The following IQGAP3 variants were observed in gnomAD, a reference collection of about 807,000 sequenced individuals.
IQGAP3 encodes ras GTPase-activating-like protein IQGAP3.
A neutral mutation model predicts 208.2 loss-of-function variants in IQGAP3; 165 were observed. The observed-to-expected ratio is 0.79, with a 90% confidence interval of 0.70 to 0.90. IQGAP3 has a LOEUF of 0.90. Ranked by LOEUF, IQGAP3 falls within the 40% of genes least tolerant of loss-of-function variation. The pLI is 0.00. For missense variants in IQGAP3, 1,811 were observed against 2,043.1 expected (o/e 0.89, Z 2.19); for synonymous variants, 703 against 803.6 (o/e 0.87, Z 2.12).
In IQGAP3 at chr1:156,569,380, T is replaced by C. The variant is rs1411261123; in HGVS notation, c.121A>G (p.Lys41Glu). 1.9e-6 allele frequency: 3 copies of C among 1,611,396 alleles called. No homozygotes were observed. The highest frequency in any genetic ancestry group is 3.3e-5 in the Admixed American group (2 of 59,950). Residue 41 changes from lysine (K) to glutamate (E), a missense_variant, in exon 2 of 38, where the codon AAG becomes GAG. By Grantham distance (56) the Lys-to-Glu change is moderately conservative. Coordinates refer to ENST00000361170, the MANE Select transcript of IQGAP3 (RefSeq NM_178229.5). ...ATCTTCCTGGACTCCGCTCACCGCT[T>C]GGCCTCCTCCAGCCGGCACAGGTAC... ...YQYLCRLEEA[K>E]RWMEACLKEE...
chr1:156,537,392 C>T (rs751533081), intron 26 of IQGAP3, 71 bp from the exon 27 acceptor site: 18 of 1,428,560 alleles, frequency 1.3e-5, no homozygotes, highest in Non-Finnish European at 1.7e-5. Context: ...GGCCCTATTC[C>T]TTAAACGCTT....
In IQGAP3 at chr1:156,563,650, G is replaced by A. The variant is rs145939179; in HGVS notation, c.522C>T (p.Asn174=). The change falls in exon 7 of 38, where the codon AAC becomes AAT. Residue 174 remains asparagine (N), a synonymous_variant. Transcript: ENST00000361170. ...KVKFTAEELS[N]MASELAKYGL... The stretch of plus-strand genomic sequence containing the variant: ...CATATTTGGCCAGTTCGGACGCCAT[G>A]TTGCTGAGTTCCTCAGCTGCAATGA... 32 of 1,613,044 alleles carry A rather than the reference G, an allele frequency of 2.0e-5. No individual in the cohort carries two copies. In the African/African-American group the frequency reaches 4.3e-4, roughly 22 times the overall value.
chr1:156,542,700 G>A (rs1171573), intron 22 of IQGAP3, among the ~76,000 whole-genome samples: 40,317 of 152,128 alleles, frequency 0.27, 6,053 homozygotes, highest in East Asian at 0.54. Flanking sequence ...AGAACTTTGG[G>A]CAGCCAAGGT....
rs762443815 is a variant in IQGAP3 at position 156,572,524 on chromosome 1, C to T, written c.6G>A (p.Glu2=). The change falls in exon 1 of 38, where the codon GAG becomes GAA. Residue 2 remains glutamate, a synonymous_variant. Transcript: ENST00000361170. The part of the protein sequence containing the change: M[E]RRAAGPGWAA... ...CCCAGCCTGGGCCCGCTGCTCTCCT[C>T]TCCATGTTCCTCCTTCTTCCAGGTT... 15 of 1,612,654 alleles carry T rather than the reference C, an allele frequency of 9.3e-6. No individual in the cohort carries two copies. The highest frequency in any genetic ancestry group is 4.0e-5 in the African/African-American group (3 of 74,952).
At chr1:156,546,973 A>G (rs1053893493) in intron 19 of IQGAP3, among the ~76,000 whole-genome samples, 1 of 152,212 alleles carries the variant, frequency 6.6e-6, no homozygotes, top group Non-Finnish European at 1.5e-5. Context: ...CCTTGCACCC[A>G]TCTCCCACCC....
Position 156,539,388 on chromosome 1 carries a change from G to C in IQGAP3, c.3042C>G (p.Leu1014=), listed in dbSNP as rs370599288. The part of the protein sequence containing the change: ...YLLLQLFKTA[L]QEEIKSKVEQ... ...GGAGAGCCTACTTGATTTCCTCCTG[G>C]AGTGCTGTCTTGAACAGCTGGAGCA... The change falls in exon 25 of 38, where the codon CTC becomes CTG. Residue 1014 remains leucine, a synonymous_variant. Transcript: ENST00000361170. The C allele has an allele frequency of 1.9e-6, 3 of 1,613,776 alleles. No homozygotes were observed. The highest frequency in any genetic ancestry group is 2.5e-6 in the Non-Finnish European group (3 of 1,179,974).
chr1:156,567,571 A>C, intron 2 of IQGAP3, among the ~76,000 whole-genome samples: 1 of 152,188 alleles, frequency 6.6e-6, no homozygotes, highest in Non-Finnish European at 1.5e-5. Context: ...ATTAAAGTCT[A>C]CTCAGATGGA....
intron 35 of IQGAP3, 88 bp from the exon 36 acceptor site, chr1:156,528,698 A>AC: frequency 1.7e-6 from 2 of 1,187,404 alleles, no homozygotes; most frequent in South Asian, 2.8e-5. Flanking sequence ...AGGAAATGAG[A>AC]CCCCGAGGAA....
chr1:156,557,588 A>G (rs1675899906), intron 11 of IQGAP3, among the ~76,000 whole-genome samples: 1 of 76,804 alleles, frequency 1.3e-5, no homozygotes, highest in Non-Finnish European at 2.8e-5. Flanking sequence ...CCGCCCGGCC[A>G]GCCGCCCCAT....
chr1:156,533,045 C>A lies in IQGAP3; in HGVS notation c.4038G>T (p.Leu1346=). ...DLSKLEVSLT[L]TNKFEGLEAD... is the part of the protein sequence containing the mutation. Reference sequence around the variant, plus strand: ...CCTCTAGTCCTTCAAACTTGTTGGTCAGCGTCAGGGACACTTCTAGCTTGC... The same window carrying A: ...CCTCTAGTCCTTCAAACTTGTTGGTAAGCGTCAGGGACACTTCTAGCTTGC... Residue 1346 remains leucine, a synonymous_variant, in exon 32 of 38, where the codon CTG becomes CTT. Transcript: ENST00000361170. The A allele has an allele frequency of 6.2e-7, 1 of 1,614,092 alleles. No individual in the cohort carries two copies. The highest frequency in any genetic ancestry group is 1.1e-5 in the South Asian group (1 of 91,056).
chr1:156,562,732 G>T, intron 8 of IQGAP3, 67 bp from the exon 9 acceptor site: 1 of 1,317,144 alleles, frequency 7.6e-7, no homozygotes, highest in Non-Finnish European at 1.1e-6. Flanking sequence ...GCTCTTCCCT[G>T]CCTGGCTACA....
At position 156,539,843 on chromosome 1, in the gene IQGAP3, G is replaced by A. The variant is rs1352240832; in HGVS notation, c.2887C>T (p.Leu963Phe). 6.2e-6 allele frequency: 10 copies of A among 1,614,148 alleles called. No homozygotes were observed. The East Asian group carries it at 1.3e-4, about 22-fold the overall frequency. ...LEAYQHLFYLLQTQPIYLAKL... is the reference protein window; with the variant it reads ...LEAYQHLFYLFQTQPIYLAKL... ...TTGGAAAGTCCTCTGCTAACCTGGAGCAGGTAGAAGAGGTGTTGGTATGCT... is the reference window on the plus strand; with the variant it reads ...TTGGAAAGTCCTCTGCTAACCTGGAACAGGTAGAAGAGGTGTTGGTATGCT... The change falls in exon 24 of 38, where the codon CTC becomes TTC. Residue 963 changes from leucine (L) to phenylalanine (F), a missense_variant. Leu to Phe is a conservative substitution (Grantham distance 22). Coordinates refer to ENST00000361170, the MANE Select transcript of IQGAP3 (RefSeq NM_178229.5).
intron 34 of IQGAP3, 29 bp downstream of exon 34, chr1:156,530,076 G>T: frequency 6.5e-7 from 1 of 1,531,714 alleles, no homozygotes; most frequent in Non-Finnish European, 8.9e-7. Context: ...GTACACACAG[G>T]CACACGGAGC....
intron 31 of IQGAP3, 101 bp from the exon 32 acceptor site, chr1:156,533,207 A>T (rs190117533): frequency 6.9e-7 from 1 of 1,448,344 alleles, no homozygotes; most frequent in Admixed American, 1.8e-5. Flanking sequence ...ACATTAAATC[A>T]GCTGCTCCAC....
intron 10 of IQGAP3, 57 bp from the exon 11 acceptor site, chr1:156,561,078 T>G: frequency 7.7e-7 from 1 of 1,298,996 alleles, no homozygotes; most frequent in Non-Finnish European, 1.1e-6. Flanking sequence ...TGACCATGCT[T>G]TACGAGTTGC....
intron 36 of IQGAP3, 117 bp from the exon 37 acceptor site, chr1:156,528,177 C>A: frequency 1.3e-6 from 1 of 754,770 alleles, no homozygotes; most frequent in East Asian, 2.6e-5. Context: ...CCAGTTTTCC[C>A]TCTGTCACTC....
At chr1:156,570,456 G>A (rs1676598984) in intron 1 of IQGAP3, among the ~76,000 whole-genome samples, 1 of 152,178 alleles carries the variant, frequency 6.6e-6, no homozygotes, top group Non-Finnish European at 1.5e-5. Context: ...AGCCCAGGAG[G>A]TCTAGGCTGC....
intron 5 of IQGAP3, 88 bp from the exon 6 acceptor site, chr1:156,563,912 G>A: frequency 9.3e-7 from 1 of 1,078,820 alleles, no homozygotes; most frequent in Non-Finnish European, 1.4e-6. Flanking sequence ...GATACTATGG[G>A]GACCTAGAGA....
At chr1:156,568,527 G>T (rs1571369229) in intron 2 of IQGAP3, among the ~76,000 whole-genome samples, 1 of 152,216 alleles carries the variant, frequency 6.6e-6, no homozygotes, top group Middle Eastern at 3.4e-3. Flanking sequence ...AGGTTTTTCT[G>T]TTTGTTTTTG....
Sources: allele counts gnomAD v4.1 joint callset (sites outside exome capture counted in the v4.1 genomes callset), GRCh38; gene constraint gnomAD v4.1.1; transcripts MANE v1.5; gene names NCBI Gene and HGNC (gene_info 2026-07-23, HGNC 2026-07-21).